DNAH9: variants seen among roughly 807,000 people sequenced by gnomAD.
DNAH9 encodes the protein DNAH9 variant protein.
DNAH9 carries 345 observed loss-of-function variants against 471.6 expected under a neutral mutation model. The ratio of observed to expected loss-of-function variants is 0.73; its 90% confidence interval spans 0.67 to 0.80. The LOEUF (loss-of-function observed/expected upper bound fraction) is 0.80. DNAH9 is among the 30% of genes least tolerant of loss of function. The pLI is 0.00. For synonymous variants in DNAH9, 2,093 were observed against 2,123.6 expected (o/e 0.99, Z 0.40); for missense variants, 5,407 against 5,609.2 (o/e 0.96, Z 1.15).
intron 68 of DNAH9, among the ~76,000 whole-genome samples, chr17:11,967,747 A>T (rs1976859055): frequency 6.6e-6 from 1 of 152,256 alleles, no homozygotes; most frequent in Non-Finnish European, 1.5e-5. Flanking sequence ...AAAAGAAAAC[A>T]GATGGAAACA....
At chr17:11,843,147 C>T (rs77520892) in intron 49 of DNAH9, among the ~76,000 whole-genome samples, 2,657 of 152,250 alleles carry the variant, frequency 0.017, 70 homozygotes, top group African/African-American at 0.06. Context: ...CAGCTCCCTT[C>T]ACTACTGTAA....
chr17:11,881,250 A>G lies in DNAH9; in HGVS notation c.10643A>G (p.Lys3548Arg), dbSNP rs371090720. Residue 3548 changes from lysine (K) to arginine (R), a missense_variant, in exon 55 of 69, where the codon AAG becomes AGG. Around this residue, in one of 3 missense-constraint regions of DNAH9, gnomAD observed 4,636 missense variants for 4,900.3 expected, o/e 0.95. Coordinates refer to ENST00000262442, the MANE Select transcript of DNAH9 (RefSeq NM_001372.4). ...GACAAAGAATGTGAATACAATCCCA[A>G]GTTCCGGCTCATCCTCCACACCAAG... is the stretch of plus-strand genomic sequence containing the variant. ...IGDKECEYNPKFRLILHTKLA... is the reference protein window; with the variant it reads ...IGDKECEYNPRFRLILHTKLA... 4 of 1,614,076 alleles carry G rather than the reference A, an allele frequency of 2.5e-6. No homozygotes were observed. Among genetic ancestry groups the G allele is most frequent in the Admixed American group, 1.7e-5 (1 of 60,010 alleles).
chr17:11,731,023 A>G (rs8069314), intron 28 of DNAH9, among the ~76,000 whole-genome samples: 126,562 of 150,530 alleles, frequency 0.84, 54,417 homozygotes, highest in Non-Finnish European at 0.92. Context: ...GATGGTGGTG[A>G]TGATGATGGT....
At chr17:11,734,239 C>T (rs1293558396) in intron 28 of DNAH9, among the ~76,000 whole-genome samples, 1 of 152,200 alleles carries the variant, frequency 6.6e-6, no homozygotes, top group Non-Finnish European at 1.5e-5. Flanking sequence ...TTAACACACC[C>T]TCCAGTGATT....
rs2073410589 is a variant in DNAH9, at chr17:11,647,192, C to G, written c.2091C>G (p.Asn697Lys). The part of the protein sequence containing the change: ...PETKEITINF[N>K]PQLISVLKEM... The stretch of plus-strand genomic sequence containing the variant: ...CGAAGGAGATCACTATCAACTTTAA[C>G]CCACAGGTCAGTTGGCTGACAGTAG... The change falls in exon 12 of 69, where the codon AAC (asparagine) becomes AAG (lysine). Residue 697 changes from asparagine to lysine, a missense_variant. Transcript: ENST00000262442. 6.2e-7 allele frequency: 1 copy of G among 1,613,714 alleles called. No individual in the cohort carries two copies. The highest frequency in any genetic ancestry group is 1.3e-5 in the African/African-American group (1 of 74,904).
intron 35 of DNAH9, among the ~76,000 whole-genome samples, chr17:11,759,773 G>A (rs1379463574): frequency 6.7e-6 from 1 of 150,170 alleles, no homozygotes; most frequent in Non-Finnish European, 1.5e-5. Context: ...TGCAACCTCT[G>A]CCTCCTGGGT....
chr17:11,822,403 C>T lies in DNAH9; in HGVS notation c.8851-35C>T, dbSNP rs767823390. Reference sequence around the variant, plus strand: ...CCTCTCCGTGAGTATTTCTCTGATGCCTTCCTGGTTCTCCCCACCCTTCTG... The same window carrying T: ...CCTCTCCGTGAGTATTTCTCTGATGTCTTCCTGGTTCTCCCCACCCTTCTG... On this transcript the variant is annotated intron_variant, in intron 46 of 68. Transcript: ENST00000262442. 6 of 1,612,088 alleles carry T rather than the reference C, an allele frequency of 3.7e-6. No individual in the cohort carries two copies. The Admixed American group carries it at 8.3e-5, about 22-fold the overall frequency.
At chr17:11,752,732 A>T in intron 32 of DNAH9, 101 bp from the exon 33 acceptor site, 1 of 882,604 alleles carries the variant, frequency 1.1e-6, no homozygotes, top group Non-Finnish European at 1.7e-6. Context: ...TGTTCCATGT[A>T]CGCCCCCTTC....
At chr17:11,793,272 A>G (rs1969124724) in intron 41 of DNAH9, among the ~76,000 whole-genome samples, 2 of 152,184 alleles carry the variant, frequency 1.3e-5, no homozygotes, top group African/African-American at 2.4e-5. Flanking sequence ...CACAAGTCAC[A>G]TAGTGGTTGT....
At chr17:11,668,220 G>A (rs1331070283) in intron 15 of DNAH9, among the ~76,000 whole-genome samples, 1 of 152,190 alleles carries the variant, frequency 6.6e-6, no homozygotes, top group Non-Finnish European at 1.5e-5. Flanking sequence ...AAAGGATAAG[G>A]AGCAGAATAG....
chr17:11,667,716 TCA>T (rs780594767), intron 15 of DNAH9, among the ~76,000 whole-genome samples: 1 of 152,172 alleles, frequency 6.6e-6, no homozygotes, highest in Non-Finnish European at 1.5e-5. Flanking sequence ...TTGAACTGAC[TCA>T]CTGCCATGTC....
At chr17:11,686,498 C>T (rs182014244) in intron 19 of DNAH9, among the ~76,000 whole-genome samples, 11 of 152,154 alleles carry the variant, frequency 7.2e-5, no homozygotes, top group Admixed American at 5.9e-4. Context: ...GGCACGTGGA[C>T]GAGGTCTATG....
At chr17:11,627,376 G>A (rs2072988500) in intron 6 of DNAH9, among the ~76,000 whole-genome samples, 2 of 152,168 alleles carry the variant, frequency 1.3e-5, no homozygotes, top group South Asian at 4.1e-4. Flanking sequence ...GGTTTCTGAT[G>A]TAATCAAACA....
intron 67 of DNAH9, 145 bp downstream of exon 67, chr17:11,942,630 C>T: frequency 1.4e-6 from 1 of 735,202 alleles, no homozygotes; most frequent in Admixed American, 3.1e-5. Flanking sequence ...CATCACTCCC[C>T]AGAAACCACA....
At chr17:11,831,140 G>A (rs890326894) in intron 48 of DNAH9, among the ~76,000 whole-genome samples, 5 of 152,120 alleles carry the variant, frequency 3.3e-5, no homozygotes, top group Admixed American at 1.3e-4. Flanking sequence ...TTTTAGTCCC[G>A]TTTATATTGC....
At chr17:11,787,166 C>T (rs1055355931) in intron 41 of DNAH9, among the ~76,000 whole-genome samples, 2 of 152,208 alleles carry the variant, frequency 1.3e-5, no homozygotes, top group Non-Finnish European at 2.9e-5. Context: ...TCCAGCAAAG[C>T]CACGTGGTGG....
chr17:11,837,812 G>A (rs538980167), intron 49 of DNAH9, among the ~76,000 whole-genome samples: 27 of 152,212 alleles, frequency 1.8e-4, no homozygotes, highest in South Asian at 2.1e-4. Flanking sequence ...TCCTTTTGCC[G>A]TTCTACTCCA....
intron 49 of DNAH9, among the ~76,000 whole-genome samples, chr17:11,852,535 C>T (rs577812841): frequency 6.6e-6 from 1 of 152,124 alleles, no homozygotes; most frequent in African/African-American, 2.4e-5. Context: ...GAGCTGGGAG[C>T]TCAGCCCAGT....
intron 67 of DNAH9, among the ~76,000 whole-genome samples, chr17:11,949,564 C>T (rs552781139): frequency 6.6e-6 from 1 of 152,112 alleles, no homozygotes; most frequent in East Asian, 1.9e-4. Flanking sequence ...TCACCGCAAC[C>T]TCTACTTCCC....
Sources: allele counts gnomAD v4.1 joint callset (sites outside exome capture counted in the v4.1 genomes callset), GRCh38; gene constraint gnomAD v4.1.1; regional missense constraint gnomAD v4.1.1; transcripts MANE v1.5; gene names NCBI Gene and HGNC (gene_info 2026-07-23, HGNC 2026-07-21).